AIMP1: variants seen among roughly 807,000 people sequenced by gnomAD.
The protein encoded by AIMP1 is aminoacyl tRNA synthetase complex interacting multifunctional protein 1, also known as aminoacyl tRNA synthase complex-interacting multifunctional protein 1.
A neutral mutation model predicts 33.1 loss-of-function variants in AIMP1; 24 were observed. The ratio of observed to expected loss-of-function variants is 0.73; its 90% CI spans 0.53 to 1.02. The LOEUF (loss-of-function observed/expected upper bound fraction) is 1.02, where lower values mean the gene tolerates loss of function less well. Among genes scored for constraint, AIMP1 ranks in the 50% least tolerant of loss-of-function variants. The pLI, the probability that AIMP1 is intolerant of heterozygous loss-of-function variation, is 0.00. For synonymous variants in AIMP1, 120 were observed against 121.5 expected (o/e 0.99, Z 0.08); for missense variants, 367 against 364.8 (o/e 1.01, Z -0.05).
chr4:106,316,651 GT>G, intron 1 of AIMP1, 57 bp downstream of exon 1: 1 of 1,527,184 alleles, frequency 6.5e-7, no homozygotes, highest in Non-Finnish European at 8.9e-7. Flanking sequence ...GATCGTAGGG[GT>G]CTTCCTTCTC....
intron 6 of AIMP1, among the ~76,000 whole-genome samples, chr4:106,343,243 T>TG: frequency 6.6e-6 from 1 of 152,210 alleles, no homozygotes; most frequent in East Asian, 1.9e-4. Context: ...GAGGTTCTTT[T>TG]GTATTTCTGT....
Position 106,327,904 on chromosome 4 carries a change from A to G in AIMP1, c.224-172A>G, listed in dbSNP as rs574745704. Among the ~76,000 whole-genome samples, 585 of 152,274 alleles carry G rather than the reference A, an allele frequency of 3.8e-3. 5 individuals carry two copies. The highest frequency in any genetic ancestry group is 0.013 in the African/African-American group (557 of 41,556). ...CTTTGATACCTCAATTATGGCTAAA[A>G]TATGCCTAATTTTTTGGCAGCCATT... On this transcript the variant is annotated intron_variant, in intron 3 of 6. Transcript: ENST00000672341.
At chr4:106,330,319 T>C (rs1417434415) in intron 4 of AIMP1, among the ~76,000 whole-genome samples, 1 of 152,222 alleles carries the variant, frequency 6.6e-6, no homozygotes, top group African/African-American at 2.4e-5. Context: ...GCATATACTT[T>C]ATCACACAAA....
intron 6 of AIMP1, among the ~76,000 whole-genome samples, chr4:106,342,118 C>T (rs1387566826): frequency 1.3e-5 from 2 of 152,148 alleles, no homozygotes; most frequent in Non-Finnish European, 2.9e-5. Flanking sequence ...AGAAATGCTG[C>T]TGATTTTTGT....
intron 2 of AIMP1, 48 bp from the exon 3 acceptor site, chr4:106,327,403 C>A: frequency 1.4e-6 from 2 of 1,392,270 alleles, no homozygotes; most frequent in Non-Finnish European, 1.0e-6. Flanking sequence ...AGTATTCATA[C>A]AAAACCTCTT....
At chr4:106,327,669 A>G (rs888655629) in intron 3 of AIMP1, 105 bp downstream of exon 3, 2 of 746,672 alleles carry the variant, frequency 2.7e-6, no homozygotes, top group African/African-American at 3.6e-5. Flanking sequence ...AACTTGGACA[A>G]CTTCATAACT....
chr4:106,316,263 C>A (rs1167276471), upstream of AIMP1: 1 of 343,426 alleles, frequency 2.9e-6, no homozygotes, highest in Non-Finnish European at 5.4e-6. Context: ...CGCGACCCAA[C>A]GCTGAGGAAA....
At chr4:106,333,102 T>C (rs1322862414) in intron 5 of AIMP1, among the ~76,000 whole-genome samples, 2 of 151,614 alleles carry the variant, frequency 1.3e-5, no homozygotes, top group African/African-American at 4.8e-5. Context: ...AGTTAGACTC[T>C]TTAACACAGT....
At chr4:106,316,402 G>C (rs571011862), upstream of AIMP1, 11 of 745,348 alleles carry the variant, frequency 1.5e-5, no homozygotes, top group Non-Finnish European at 2.3e-5. Flanking sequence ...GGAAGACGAG[G>C]AGCGTGGTAT....
chr4:106,316,783 C>G lies in AIMP1; in HGVS notation c.-26+189C>G, dbSNP rs949075977. 4 of 532,520 alleles carry G rather than the reference C, an allele frequency of 7.5e-6. No homozygotes were observed. The Middle Eastern group carries it at 1.5e-3, about 203-fold the overall frequency. 33.0% of individuals were successfully genotyped at this position (532,520 alleles called of 1,614,324 possible). A position where few individuals can be genotyped will look rare whatever the true frequency, so the allele number is the denominator to read the frequency against. ...TTGAGACTTCCTTCTAAAGGAGCCA[C>G]GTTTGAGAAATGGGATGCAGGCCTA... On this transcript the variant is annotated intron_variant, in intron 1 of 6. Coordinates refer to ENST00000672341, the MANE Select transcript of AIMP1 (RefSeq NM_001142416.2).
chr4:106,329,151 C>A (rs1277169046), intron 4 of AIMP1, among the ~76,000 whole-genome samples: 2 of 150,870 alleles, frequency 1.3e-5, no homozygotes, highest in African/African-American at 2.4e-5. Context: ...ACATCAGTAA[C>A]CTCTGTTAGT....
chr4:106,328,188 G>A lies in AIMP1; in HGVS notation c.336G>A (p.Gln112=), dbSNP rs1461695665. 6.2e-7 allele frequency: 1 copy of A among 1,612,782 alleles called. No homozygotes were observed. Among genetic ancestry groups the A allele is most frequent in the Non-Finnish European group, 8.5e-7 (1 of 1,179,278 alleles). ...CCGTATCTTCTGGTACCAAAGAACA[G>A]ATAAAAGGAGGAACAGGAGACGAAA... The part of the protein sequence containing the change: ...VTTVSSGTKE[Q]IKGGTGDEKK... Residue 112 remains glutamine (Q), a synonymous_variant, in exon 4 of 7, where the codon CAG becomes CAA. Transcript: ENST00000672341.
chr4:106,316,502 A>T (rs935435072), upstream of AIMP1: 14 of 1,539,890 alleles, frequency 9.1e-6, no homozygotes, highest in Non-Finnish European at 1.2e-5. Context: ...AGGACACCTC[A>T]TTGGGTCCTT....
At chr4:106,339,771 AAGAC>A (rs1205407192) in intron 6 of AIMP1, among the ~76,000 whole-genome samples, 3 of 152,208 alleles carry the variant, frequency 2.0e-5, no homozygotes, top group African/African-American at 7.2e-5. Flanking sequence ...GCAGCACAGA[AAGAC>A]AGAGATGAAA....
chr4:106,326,653 G>T (rs1377272592), intron 2 of AIMP1, among the ~76,000 whole-genome samples: 7 of 152,078 alleles, frequency 4.6e-5, no homozygotes, highest in Non-Finnish European at 8.8e-5. Context: ...TGACTAAAAA[G>T]AAAGACATGA....
At chr4:106,340,369 G>A (rs1370345737) in intron 6 of AIMP1, among the ~76,000 whole-genome samples, 2 of 152,002 alleles carry the variant, frequency 1.3e-5, no homozygotes, top group Admixed American at 6.6e-5. Context: ...TTTAGTATAG[G>A]AATGATCCCA....
chr4:106,324,477 CA>C (rs1157098758), intron 1 of AIMP1, among the ~76,000 whole-genome samples: 2 of 151,864 alleles, frequency 1.3e-5, no homozygotes, highest in Non-Finnish European at 2.9e-5. Flanking sequence ...TCTGAACAAG[CA>C]TATGATTAAT....
intron 6 of AIMP1, among the ~76,000 whole-genome samples, chr4:106,339,431 G>A (rs919218718): frequency 6.6e-6 from 1 of 152,136 alleles, no homozygotes; most frequent in African/African-American, 2.4e-5. Flanking sequence ...AGTCTCATGA[G>A]AGCTGATGGT....
chr4:106,321,655 T>C lies in AIMP1; in HGVS notation c.-25-3330T>C, dbSNP rs539096131. Among the ~76,000 whole-genome samples the C allele has an allele frequency of 8.6e-5, 13 of 151,886 alleles. No individual in the cohort carries two copies. In the South Asian group the frequency reaches 2.7e-3, roughly 32 times the overall value. Reference sequence around the variant, plus strand: ...CTGCCCGGCCGCCCCATCTGGGAAGTGAGGAGCCCCTCTGCCCGGCCGCCA... The same window carrying C: ...CTGCCCGGCCGCCCCATCTGGGAAGCGAGGAGCCCCTCTGCCCGGCCGCCA... On this transcript the variant is annotated intron_variant, in intron 1 of 6. Transcript: ENST00000672341.
Sources: allele counts gnomAD v4.1 joint callset (sites outside exome capture counted in the v4.1 genomes callset), GRCh38; gene constraint gnomAD v4.1.1; transcripts MANE v1.5; gene names NCBI Gene and HGNC (gene_info 2026-07-23, HGNC 2026-07-21).